Variants in PRSS55 observed in about 807,000 individuals in gnomAD.
PRSS55 encodes probable serine protease UNQ9391/PRO34284.
PRSS55 carries 41 observed loss-of-function variants against 23.6 expected under a neutral mutation model. The observed-to-expected ratio is 1.74, with a 90% confidence interval of 1.35 to 2.26. The LOEUF (loss-of-function observed/expected upper bound fraction) is 2.26, where lower values mean the gene tolerates loss of function less well. Among genes scored for constraint, PRSS55 ranks in the 30% most tolerant of loss-of-function variants. PRSS55 has a pLI of 0.00. For synonymous variants in PRSS55, 262 were observed against 175.5 expected, an observed-to-expected ratio of 1.49 and a Z score of -3.90; for missense variants, 669 against 439.1, an observed-to-expected ratio of 1.52 and a Z score of -4.68.
chr8:10,538,494 C>A lies in PRSS55; in HGVS notation c.760C>A (p.Leu254Met). The A allele has an allele frequency of 1.2e-6, 2 of 1,613,374 alleles. No homozygotes were observed. The highest frequency in any genetic ancestry group is 2.2e-5 in the South Asian group (2 of 91,004). ...DACKGDSGGP[L>M]VCTPEPGEKW... is the part of the protein sequence containing the mutation. ...CCCACAGGGTGACAGTGGGGGGCCT[C>A]TGGTCTGCACCCCAGAGCCTGGTGA... is the stretch of plus-strand genomic sequence containing the variant. The change falls in exon 5 of 5, where the codon CTG becomes ATG. Residue 254 changes from leucine to methionine, a missense_variant. Transcript: ENST00000328655.
At chr8:10,541,846 T>C (rs1812665307), downstream of PRSS55, among the ~76,000 whole-genome samples, 1 of 152,100 alleles carries the variant, frequency 6.6e-6, no homozygotes, top group Admixed American at 6.5e-5. Flanking sequence ...GCCACCTACA[T>C]CTCAGGCAAT....
At chr8:10,545,461 GT>G (rs1383024178) in intron 4 of PRSS55, among the ~76,000 whole-genome samples, 2 of 152,186 alleles carry the variant, frequency 1.3e-5, no homozygotes, top group African/African-American at 2.4e-5. Context: ...TTAAGTTGCT[GT>G]AAAGGTTTCT....
At position 10,531,505 on chromosome 8, in the gene PRSS55, G is replaced by A; in HGVS notation, c.558G>A (p.Trp186Ter). The A allele has an allele frequency of 1.2e-6, 2 of 1,613,926 alleles. No homozygotes were observed. The highest frequency in any genetic ancestry group is 1.7e-6 in the Non-Finnish European group (2 of 1,180,054). The change falls in exon 3 of 5, where the codon TGG becomes TGA. Residue 186 changes from tryptophan to a stop codon, truncating the protein, a stop_gained. Transcript: ENST00000328655. LOFTEE classifies it high-confidence loss of function. Reference sequence around the variant, plus strand: ...CCACGCAGCCCGGCCCTGCCACATGGCGCGAATGCTGGGTGGCAGGTTGGG... The same window carrying A: ...CCACGCAGCCCGGCCCTGCCACATGACGCGAATGCTGGGTGGCAGGTTGGG... ...CLPTQPGPATWRECWVAGWGQ... is the reference protein window; with the variant it reads ...CLPTQPGPAT
intron 4 of PRSS55, among the ~76,000 whole-genome samples, chr8:10,533,580 C>G (rs930909472): frequency 1.3e-5 from 2 of 152,074 alleles, no homozygotes. Context: ...AAAATGAATA[C>G]ACGTTCTTTC....
intron 4 of PRSS55, chr8:10,553,869 T>A (rs769221053): frequency 9.9e-7 from 1 of 1,011,574 alleles, no homozygotes; most frequent in African/African-American, 1.6e-5. Context: ...AATGTATACA[T>A]AAATCAAAGC....
chr8:10,529,539 A>G lies in PRSS55; in HGVS notation c.187A>G (p.Thr63Ala). The G allele has an allele frequency of 6.2e-7, 1 of 1,614,096 alleles. No homozygotes were observed. Among genetic ancestry groups the G allele is most frequent in the Non-Finnish European group, 8.5e-7 (1 of 1,180,008 alleles). The change falls in exon 2 of 5, where the codon ACT becomes GCT. Residue 63 changes from threonine to alanine, a missense_variant. Transcript: ENST00000328655. ...TGACAGATCTATTTTCGAGGGAAGA[A>G]CTCGGTATTCCAGAATCACAGGGGG... The part of the protein sequence containing the change: ...CGDRSIFEGR[T>A]RYSRITGGME...
At chr8:10,544,458 C>T (rs564383151) in intron 4 of PRSS55, among the ~76,000 whole-genome samples, 1 of 152,126 alleles carries the variant, frequency 6.6e-6, no homozygotes, top group South Asian at 2.1e-4. Flanking sequence ...TTTGTTTATC[C>T]AGTCTGACAA....
At chr8:10,530,829 GA>G (rs1444335135) in intron 2 of PRSS55, among the ~76,000 whole-genome samples, 1 of 152,174 alleles carries the variant, frequency 6.6e-6, no homozygotes, top group East Asian at 1.9e-4. Flanking sequence ...GCTTATTACT[GA>G]AGATCCTGTC....
chr8:10,553,999 G>T lies in PRSS55; in HGVS notation c.798G>T (p.Pro266=), dbSNP rs568815105. Residue 266 remains proline (P), a synonymous_variant, in exon 5 of 5, where the codon CCG becomes CCT. Transcript: ENST00000522210. ...ACACCGGAAGCTCTCAAACAAAGCC[G>T]CCTGGGTCTCACACCTTTCATCTGC... is the stretch of plus-strand genomic sequence containing the variant. The T allele has an allele frequency of 1.8e-5, 28 of 1,531,366 alleles. No homozygotes were observed. In the South Asian group the frequency reaches 2.5e-4, roughly 14 times the overall value. The allele number at this position is 1,531,366 out of a possible 1,614,324, so 94.9% of individuals were successfully genotyped here. A position where few individuals can be genotyped will look rare whatever the true frequency, so the allele number is the denominator to read the frequency against.
chr8:10,548,122 A>G (rs1812863597), intron 4 of PRSS55, among the ~76,000 whole-genome samples: 1 of 152,214 alleles, frequency 6.6e-6, no homozygotes, highest in African/African-American at 2.4e-5. Context: ...AGAGATTCCC[A>G]GAGCTTTGCA....
intron 4 of PRSS55, among the ~76,000 whole-genome samples, chr8:10,543,824 A>G (rs1445972903): frequency 6.6e-6 from 1 of 152,006 alleles, no homozygotes; most frequent in Non-Finnish European, 1.5e-5. Flanking sequence ...TTTAATTTTC[A>G]TATATTTGCA....
intron 4 of PRSS55, among the ~76,000 whole-genome samples, chr8:10,551,461 G>T (rs1812948779): frequency 6.6e-6 from 1 of 152,172 alleles, no homozygotes. Flanking sequence ...GGGACGGCAG[G>T]GTAACCGGCA....
downstream of PRSS55, chr8:10,540,599 C>T (rs1812626761): frequency 6.6e-6 from 1 of 152,170 alleles, no homozygotes; most frequent in South Asian, 2.1e-4. Context: ...CCTGTAATCC[C>T]AGCCAATCGG....
Position 10,525,593 on chromosome 8 carries a change from T to C in PRSS55, c.8T>C (p.Leu3Pro), listed in dbSNP as rs1811984814. Residue 3 changes from leucine to proline, a missense_variant, in exon 1 of 5, where the codon CTG becomes CCG. Transcript: ENST00000328655. Reference sequence around the variant, plus strand: ...ACAGCACAGCCCAGGGCCATGCTCCTGTTCTCAGTGTTGCTGCTCCTGTCC... The same window carrying C: ...ACAGCACAGCCCAGGGCCATGCTCCCGTTCTCAGTGTTGCTGCTCCTGTCC... ML[L>P]FSVLLLLSLV... 6.2e-7 allele frequency: 1 copy of C among 1,613,910 alleles called. No homozygotes were observed. Among genetic ancestry groups the C allele is most frequent in the Admixed American group, 1.7e-5 (1 of 59,988 alleles).
intron 1 of PRSS55, 33 bp downstream of exon 1, chr8:10,525,772 G>T (rs1228772418): frequency 1.3e-6 from 2 of 1,555,770 alleles, no homozygotes; most frequent in Non-Finnish European, 1.7e-6. Context: ...CATGGATGGG[G>T]GCTCATGGTC....
At chr8:10,549,337 G>A (rs57140576) in intron 4 of PRSS55, among the ~76,000 whole-genome samples, 46,403 of 152,074 alleles carry the variant, frequency 0.31, 7,428 homozygotes, top group South Asian at 0.42. Flanking sequence ...GGAGTGAGGG[G>A]ACAGCTGCAG....
At chr8:10,546,978 G>A (rs533408782) in intron 4 of PRSS55, among the ~76,000 whole-genome samples, 1 of 152,090 alleles carries the variant, frequency 6.6e-6, no homozygotes, top group Non-Finnish European at 1.5e-5. Context: ...CACGGTGTCC[G>A]ACCCAGCCCT....
chr8:10,538,936 G>T (rs1306131048), downstream of PRSS55: 10 of 765,122 alleles, frequency 1.3e-5, no homozygotes, highest in Non-Finnish European at 1.8e-5. Context: ...TGGGTCCCTG[G>T]TTTGGGGACT....
In PRSS55 at chr8:10,532,822, G is replaced by A; in HGVS notation, c.599-84G>A. On this transcript the variant is annotated intron_variant, in intron 3 of 4. Coordinates refer to ENST00000328655, the MANE Select transcript of PRSS55 (RefSeq NM_198464.4). ...AAGGGGATGGGGGCTGGGGGACACA[G>A]GGCCGAGGGCACAGTCAGCTGCATC... is the stretch of plus-strand genomic sequence containing the variant. 3 of 1,560,528 alleles carry A rather than the reference G, an allele frequency of 1.9e-6. No homozygotes were observed. The South Asian group carries it at 3.5e-5, about 18-fold the overall frequency.
Sources: gnomAD v4.1 joint callset for allele counts (sites outside exome capture counted in the v4.1 genomes callset) on GRCh38, gnomAD v4.1.1 for gene constraint, MANE v1.5 for transcripts, NCBI Gene and HGNC (gene_info 2026-07-23, HGNC 2026-07-21) for gene names.